KCNH5: variants seen among roughly 807,000 people sequenced by gnomAD.
The protein encoded by KCNH5 is potassium voltage-gated channel subfamily H member 5.
Under a neutral mutation model 96.1 loss-of-function variants are expected in KCNH5, and 46 were observed. That is an observed-to-expected ratio of 0.48 (90% CI 0.38 to 0.61). The LOEUF (loss-of-function observed/expected upper bound fraction) is 0.61, where lower values mean the gene tolerates loss of function less well. Among genes scored for constraint, KCNH5 ranks in the 20% least tolerant of loss-of-function variants. KCNH5 has a pLI of 0.00. For synonymous variants in KCNH5, 439 were observed against 449.8 expected (o/e 0.98, Z 0.30); for missense variants, 907 against 1,225.8 (o/e 0.74, Z 3.88).
intron 4 of KCNH5, among the ~76,000 whole-genome samples, chr14:62,999,750 T>C (rs1225565314): frequency 4.1e-5 from 6 of 144,882 alleles, no homozygotes. Context: ...CATTAGGAGA[T>C]ATACCTAATG....
chr14:62,979,215 T>C (rs1890559786), intron 6 of KCNH5, among the ~76,000 whole-genome samples: 1 of 152,162 alleles, frequency 6.6e-6, no homozygotes, highest in African/African-American at 2.4e-5. Flanking sequence ...AAAACATAAA[T>C]ACTGCTTATT....
intron 7 of KCNH5, among the ~76,000 whole-genome samples, chr14:62,919,674 T>C (rs909939701): frequency 2.0e-5 from 3 of 152,162 alleles, no homozygotes; most frequent in African/African-American, 7.2e-5. Flanking sequence ...GATTTATAGC[T>C]GACATCCTAG....
chr14:62,932,554 A>G (rs547516497), intron 7 of KCNH5, among the ~76,000 whole-genome samples: 11 of 152,148 alleles, frequency 7.2e-5, no homozygotes, highest in African/African-American at 2.4e-4. Context: ...AGGGAAAAAG[A>G]TAAAACCAGG....
chr14:62,969,801 C>A (rs1417763402), intron 6 of KCNH5, among the ~76,000 whole-genome samples: 1 of 134,034 alleles, frequency 7.5e-6, no homozygotes, highest in Non-Finnish European at 1.5e-5. Flanking sequence ...GTGGCTCATG[C>A]CTGGAATCCC....
chr14:62,968,639 TC>T (rs1342493654), intron 6 of KCNH5, among the ~76,000 whole-genome samples: 1 of 152,192 alleles, frequency 6.6e-6, no homozygotes, highest in Non-Finnish European at 1.5e-5. Context: ...CACAAAGGTT[TC>T]CCTCTGGCCT....
chr14:62,835,082 G>A (rs550740000), intron 8 of KCNH5, among the ~76,000 whole-genome samples: 3 of 151,956 alleles, frequency 2.0e-5, no homozygotes, highest in Non-Finnish European at 4.4e-5. Context: ...AGACAAATGT[G>A]TTTATTTCTT....
intron 1 of KCNH5, among the ~76,000 whole-genome samples, chr14:63,041,067 G>T (rs1207713299): frequency 6.6e-6 from 1 of 151,750 alleles, no homozygotes; most frequent in Non-Finnish European, 1.5e-5. Context: ...GTATTAATTT[G>T]TAGTTAAAAT....
intron 8 of KCNH5, among the ~76,000 whole-genome samples, chr14:62,831,061 C>T (rs1887337769): frequency 2.0e-5 from 3 of 152,112 alleles, no homozygotes; most frequent in Non-Finnish European, 4.4e-5. Flanking sequence ...CACAGTAGCA[C>T]GTCCCTTGAT....
intron 6 of KCNH5, among the ~76,000 whole-genome samples, chr14:62,954,589 C>T (rs970697587): frequency 1.3e-5 from 2 of 152,176 alleles, no homozygotes; most frequent in Non-Finnish European, 2.9e-5. Flanking sequence ...GAGAACAAAA[C>T]AGTCAATGTA....
chr14:62,838,982 C>G (rs7155426), intron 8 of KCNH5, among the ~76,000 whole-genome samples: 52,854 of 150,242 alleles, frequency 0.35, 9,681 homozygotes, highest in South Asian at 0.58. Context: ...AAATAAGCTA[C>G]AAAAATAATA....
At chr14:62,866,262 T>A (rs943815465) in intron 7 of KCNH5, among the ~76,000 whole-genome samples, 9 of 152,214 alleles carry the variant, frequency 5.9e-5, no homozygotes, top group Non-Finnish European at 1.0e-4. Flanking sequence ...TTAATAGGTT[T>A]CAAAGAGTGT....
intron 7 of KCNH5, among the ~76,000 whole-genome samples, chr14:62,864,887 T>C (rs1001248774): frequency 5.3e-5 from 8 of 152,146 alleles, no homozygotes; most frequent in East Asian, 3.9e-4. Flanking sequence ...ATCCCTGCAG[T>C]AGGCAGGAAG....
rs576545788 is a variant in KCNH5, at chr14:62,743,778, C to T, written c.2020-35323G>A. The stretch of plus-strand genomic sequence containing the variant: ...TCTCTGGATCTGTTCTACCCGACTC[C>T]ACCCCCAATCTGGGCAGTTTCATTC... On this transcript the variant is annotated intron_variant, in intron 10 of 10. Coordinates refer to ENST00000322893, the MANE Select transcript of KCNH5 (RefSeq NM_139318.5). 1.1e-4 allele frequency among the ~76,000 whole-genome samples: 16 copies of T among 151,978 alleles called. 1 individual carries two copies. The highest frequency in any genetic ancestry group is 3.9e-4 in the Admixed American group (6 of 15,258).
intron 2 of KCNH5, among the ~76,000 whole-genome samples, chr14:63,010,242 A>G (rs1324680915): frequency 2.0e-5 from 3 of 152,214 alleles, no homozygotes; most frequent in Non-Finnish European, 4.4e-5. Context: ...CCATAGTTTC[A>G]TCAGTAAAAT....
At chr14:62,728,438 C>A (rs750985113) in intron 10 of KCNH5, among the ~76,000 whole-genome samples, 5 of 151,062 alleles carry the variant, frequency 3.3e-5, no homozygotes, top group Non-Finnish European at 5.9e-5. Context: ...AAATTGGAAA[C>A]CTCAGAGGCT....
chr14:62,794,234 T>C (rs1290097307), intron 9 of KCNH5, among the ~76,000 whole-genome samples: 1 of 152,022 alleles, frequency 6.6e-6, no homozygotes, highest in Non-Finnish European at 1.5e-5. Flanking sequence ...TGCCTAATTC[T>C]TGGCAGTGGT....
At chr14:63,026,845 C>T (rs1177263072) in intron 1 of KCNH5, among the ~76,000 whole-genome samples, 4 of 151,980 alleles carry the variant, frequency 2.6e-5, no homozygotes, top group African/African-American at 9.7e-5. Context: ...AGCGATTCCA[C>T]GACTCAGTAA....
At chr14:62,856,003 C>T (rs1887920774) in intron 7 of KCNH5, among the ~76,000 whole-genome samples, 4 of 152,138 alleles carry the variant, frequency 2.6e-5, no homozygotes, top group Admixed American at 2.6e-4. Flanking sequence ...CTTAATTCTC[C>T]CAAATTATAT....
intron 7 of KCNH5, among the ~76,000 whole-genome samples, chr14:62,853,955 C>T (rs994513943): frequency 2.7e-5 from 4 of 146,254 alleles, no homozygotes; most frequent in East Asian, 4.3e-4. Flanking sequence ...TGCAGTGAGC[C>T]GAGATAGCAC....
Sources: allele counts gnomAD v4.1 joint callset (sites outside exome capture counted in the v4.1 genomes callset), GRCh38; gene constraint gnomAD v4.1.1; transcripts MANE v1.5; gene names NCBI Gene and HGNC (gene_info 2026-07-23, HGNC 2026-07-21).